The following SHISA6 variants were observed in gnomAD, a reference collection of about 807,000 sequenced individuals.
SHISA6 encodes the protein protein shisa-6.
A neutral mutation model predicts 47.9 loss-of-function variants in SHISA6; 22 were observed. The observed-to-expected ratio is 0.46, with a 90% CI of 0.33 to 0.66. SHISA6 has a LOEUF of 0.66. Ranked by LOEUF, SHISA6 falls within the 30% of genes least tolerant of loss-of-function variation. SHISA6 has a pLI of 0.02. For missense variants in SHISA6, 680 were observed against 764.6 expected (o/e 0.89, Z 1.30); for synonymous variants, 388 against 337.8 (o/e 1.15, Z -1.63).
At chr17:11,557,668 G>A in intron 5 of SHISA6, 86 bp from the exon 6 acceptor site, 1 of 1,315,342 alleles carries the variant, frequency 7.6e-7, no homozygotes, top group South Asian at 1.5e-5. Flanking sequence ...GGTCTGTGAT[G>A]GAGCAGGAGC....
At chr17:11,464,325 A>G (rs3095674) in intron 3 of SHISA6, among the ~76,000 whole-genome samples, 31,010 of 152,152 alleles carry the variant, frequency 0.2, 5,450 homozygotes, top group African/African-American at 0.48. Context: ...AATTGGCTCA[A>G]TTCCCAGGCC....
intron 3 of SHISA6, among the ~76,000 whole-genome samples, chr17:11,512,746 T>A (rs1413027547): frequency 6.6e-6 from 1 of 152,160 alleles, no homozygotes; most frequent in African/African-American, 2.4e-5. Flanking sequence ...ATTAATATAA[T>A]TAAGAGAGTG....
intron 2 of SHISA6, among the ~76,000 whole-genome samples, chr17:11,286,576 A>G (rs1238677687): frequency 2.6e-5 from 4 of 152,162 alleles, no homozygotes; most frequent in Non-Finnish European, 5.9e-5. Flanking sequence ...GTTTGTAAGG[A>G]AAATCGTAGC....
At chr17:11,465,144 A>G (rs1226607173) in intron 3 of SHISA6, among the ~76,000 whole-genome samples, 1 of 152,162 alleles carries the variant, frequency 6.6e-6, no homozygotes, top group Non-Finnish European at 1.5e-5. Context: ...GATCTGGTCC[A>G]ACAACCCACT....
chr17:11,396,460 T>C (rs1213063955), intron 3 of SHISA6, among the ~76,000 whole-genome samples: 1 of 152,216 alleles, frequency 6.6e-6, no homozygotes, highest in East Asian at 1.9e-4. Context: ...CGTGTGCATG[T>C]GTCTTTATAG....
At chr17:11,481,652 C>G (rs1358428272) in intron 3 of SHISA6, among the ~76,000 whole-genome samples, 1 of 151,820 alleles carries the variant, frequency 6.6e-6, no homozygotes, top group African/African-American at 2.4e-5. Flanking sequence ...ACCACAACGC[C>G]TGGCTAATTT....
intron 3 of SHISA6, among the ~76,000 whole-genome samples, chr17:11,472,282 G>A (rs868129671): frequency 2.0e-4 from 30 of 152,086 alleles, no homozygotes; most frequent in Middle Eastern, 6.8e-3. Flanking sequence ...CCACGGCCTC[G>A]ATCTCCAGGG....
intron 2 of SHISA6, among the ~76,000 whole-genome samples, chr17:11,294,307 T>C (rs187317512): frequency 6.6e-6 from 1 of 152,332 alleles, no homozygotes; most frequent in East Asian, 1.9e-4. Context: ...TCCAGCCTAG[T>C]AACCAACTGG....
intron 2 of SHISA6, among the ~76,000 whole-genome samples, chr17:11,366,373 C>G (rs533196711): frequency 1.3e-5 from 2 of 152,178 alleles, no homozygotes; most frequent in Non-Finnish European, 2.9e-5. Flanking sequence ...TGCCTGAGCT[C>G]AAGTGATCTG....
chr17:11,493,040 G>T (rs554802740), intron 3 of SHISA6, among the ~76,000 whole-genome samples: 4 of 152,078 alleles, frequency 2.6e-5, no homozygotes, highest in Non-Finnish European at 5.9e-5. Flanking sequence ...TTCCCTGATC[G>T]CCTCAACACT....
chr17:11,322,129 G>T (rs982645813), intron 2 of SHISA6, among the ~76,000 whole-genome samples: 1 of 151,952 alleles, frequency 6.6e-6, no homozygotes, highest in Non-Finnish European at 1.5e-5. Flanking sequence ...TGCAATGTAA[G>T]GTTTTTTCAG....
chr17:11,257,592 C>G (rs894557436), intron 1 of SHISA6, among the ~76,000 whole-genome samples: 5 of 151,472 alleles, frequency 3.3e-5, no homozygotes, highest in Admixed American at 3.3e-4. Context: ...GCCCAGGAAG[C>G]CGAGGCTGCA....
chr17:11,413,409 G>T (rs527364526), intron 3 of SHISA6, among the ~76,000 whole-genome samples: 2 of 152,170 alleles, frequency 1.3e-5, no homozygotes, highest in Non-Finnish European at 2.9e-5. Context: ...AGAGGCCATT[G>T]CCCAGACATT....
At position 11,563,318 on chromosome 17, in the gene SHISA6, A is replaced by G. The variant is rs2072063007; in HGVS notation, c.*5014A>G. On this transcript the variant is annotated 3_prime_UTR_variant, in exon 6 of 6. Transcript: ENST00000441885. The stretch of plus-strand genomic sequence containing the variant: ...TCCAACTGGAGGAGGAGGCATCTCC[A>G]TCTGGGCTGCTAGGAAGGGGCACTC... 1 of 152,222 alleles carries G rather than the reference A, an allele frequency of 6.6e-6. No homozygotes were observed. The highest frequency in any genetic ancestry group is 1.5e-5 in the Non-Finnish European group (1 of 68,048). The allele number at this position is 152,222 out of a possible 1,614,324, so 9.4% of individuals were successfully genotyped here.
intron 2 of SHISA6, among the ~76,000 whole-genome samples, chr17:11,350,834 C>T (rs1478842953): frequency 1.3e-5 from 2 of 152,162 alleles, no homozygotes; most frequent in Non-Finnish European, 2.9e-5. Context: ...TATGAAGACA[C>T]ATGCACACAT....
chr17:11,496,283 C>G (rs904441543), intron 3 of SHISA6, among the ~76,000 whole-genome samples: 3 of 152,228 alleles, frequency 2.0e-5, no homozygotes, highest in Non-Finnish European at 4.4e-5. Flanking sequence ...TTCTTTAACA[C>G]CCTTCCATCC....
chr17:11,317,499 T>C (rs1567570704), intron 2 of SHISA6, among the ~76,000 whole-genome samples: 1 of 151,976 alleles, frequency 6.6e-6, no homozygotes, highest in Non-Finnish European at 1.5e-5. Context: ...AGAATATATA[T>C]ACATAAATAC....
intron 1 of SHISA6, 107 bp from the exon 2 acceptor site, chr17:11,263,259 T>G (rs1908304727): frequency 8.4e-7 from 1 of 1,184,462 alleles, no homozygotes; most frequent in African/African-American, 1.5e-5. Context: ...TCTCTGTCTC[T>G]TCCTGCATCT....
intron 3 of SHISA6, among the ~76,000 whole-genome samples, chr17:11,525,939 G>A (rs1342181945): frequency 1.3e-5 from 2 of 151,762 alleles, no homozygotes; most frequent in African/African-American, 2.4e-5. Flanking sequence ...AGGCCAGGAG[G>A]TTGAGGCTTC....
Sources: allele counts gnomAD v4.1 joint callset (sites outside exome capture counted in the v4.1 genomes callset), GRCh38; gene constraint gnomAD v4.1.1; transcripts MANE v1.5; gene names NCBI Gene and HGNC (gene_info 2026-07-23, HGNC 2026-07-21).